The following BICDL1 variants were observed in gnomAD, a reference collection of about 807,000 sequenced individuals.
The protein encoded by BICDL1 is BICD family-like cargo adapter 1.
A neutral mutation model predicts 76.8 loss-of-function variants in BICDL1; 20 were observed. The ratio of observed to expected loss-of-function variants is 0.26; its 90% CI spans 0.18 to 0.38. BICDL1 has a LOEUF of 0.38. Ranked by LOEUF, BICDL1 falls within the 10% of genes least tolerant of loss-of-function variation. The pLI is 1.00. For synonymous variants in BICDL1, 383 were observed against 337.1 expected (o/e 1.14, Z -1.49); for missense variants, 700 against 798.6 (o/e 0.88, Z 1.49).
intron 2 of BICDL1, among the ~76,000 whole-genome samples, chr12:120,010,145 C>T (rs1217647435): frequency 6.6e-6 from 1 of 152,226 alleles, no homozygotes; most frequent in Non-Finnish European, 1.5e-5. Context: ...TGTGGAGACG[C>T]CAGCCTGCAG....
rs1242186917 is a variant in BICDL1, at chr12:119,990,024, A to C, written c.156A>C (p.Leu52=). Residue 52 remains leucine (L), a synonymous_variant, in exon 1 of 10, where the codon CTA becomes CTC. Coordinates refer to ENST00000548673, the MANE Select transcript of BICDL1 (RefSeq NM_001367886.1). The part of the protein sequence containing the change: ...ALIFPGGSGE[L]ELALEEELAL... ...TCTTCCCCGGGGGCTCCGGGGAGCTAGAACTGGCGTTAGAGGAGGAGCTGG... is the reference window on the plus strand; with the variant it reads ...TCTTCCCCGGGGGCTCCGGGGAGCTCGAACTGGCGTTAGAGGAGGAGCTGG... 1 of 1,510,288 alleles carries C rather than the reference A, an allele frequency of 6.6e-7. No individual in the cohort carries two copies. Among genetic ancestry groups the C allele is most frequent in the Non-Finnish European group, 8.8e-7 (1 of 1,138,168 alleles). The allele number at this position is 1,510,288 out of a possible 1,614,324, so 93.6% of individuals were successfully genotyped here.
intron 2 of BICDL1, among the ~76,000 whole-genome samples, chr12:120,034,301 G>C (rs2138777674): frequency 6.6e-6 from 1 of 152,266 alleles, no homozygotes; most frequent in East Asian, 1.9e-4. Context: ...TACAATCAAG[G>C]TTACTTGAAT....
chr12:120,084,415 C>A (rs1372977636), intron 8 of BICDL1, among the ~76,000 whole-genome samples: 5 of 152,218 alleles, frequency 3.3e-5, no homozygotes, highest in Non-Finnish European at 5.9e-5. Flanking sequence ...CCAGCAGTGA[C>A]TCATGAGCCT....
chr12:120,057,062 A>C, intron 2 of BICDL1: 1 of 520,564 alleles, frequency 1.9e-6, no homozygotes, highest in Admixed American at 1.9e-5. Context: ...AGAGAGCTTC[A>C]GGCTGTCCTC....
intron 1 of BICDL1, among the ~76,000 whole-genome samples, chr12:119,995,016 A>G (rs1239077508): frequency 6.6e-6 from 1 of 152,196 alleles, no homozygotes; most frequent in Non-Finnish European, 1.5e-5. Flanking sequence ...CCAGGATACC[A>G]TATTACATTT....
intron 2 of BICDL1, among the ~76,000 whole-genome samples, chr12:120,025,920 CT>C (rs1022748355): frequency 2.7e-4 from 41 of 152,118 alleles, no homozygotes; most frequent in African/African-American, 9.4e-4. Flanking sequence ...TCACTGCAAC[CT>C]CCACCTCCAG....
At chr12:119,990,379 C>G in intron 1 of BICDL1, 82 bp downstream of exon 1, 1 of 1,515,298 alleles carries the variant, frequency 6.6e-7, no homozygotes, top group Non-Finnish European at 8.8e-7. Context: ...GGGAACCACT[C>G]ACCCCCACTT....
At chr12:120,025,009 T>C (rs1952261162) in intron 2 of BICDL1, among the ~76,000 whole-genome samples, 1 of 151,240 alleles carries the variant, frequency 6.6e-6, no homozygotes, top group Non-Finnish European at 1.5e-5. Context: ...TGTAGCCAAG[T>C]CCTTCTTCTT....
At position 120,079,840 on chromosome 12, in the gene BICDL1, G is replaced by A. The variant is rs1003698863; in HGVS notation, c.1453-1047G>A. 1.3e-5 allele frequency among the ~76,000 whole-genome samples: 2 copies of A among 152,244 alleles called. No individual in the cohort carries two copies. Among genetic ancestry groups the A allele is most frequent in the African/African-American group, 4.8e-5 (2 of 41,458 alleles). Reference sequence around the variant, plus strand: ...GTCACTAATTCCTCCCTCGCCTGGGGCTTTGCTGTGCTCAGAGCTGCAGTC... The same window carrying A: ...GTCACTAATTCCTCCCTCGCCTGGGACTTTGCTGTGCTCAGAGCTGCAGTC... On this transcript the variant is annotated intron_variant, in intron 7 of 9. Coordinates refer to ENST00000548673, the MANE Select transcript of BICDL1 (RefSeq NM_001367886.1). This position sits in a 1 kb window ranked among gnomAD's most constrained non-coding sequence, Gnocchi z 4.3.
intron 2 of BICDL1, among the ~76,000 whole-genome samples, chr12:120,058,733 G>A (rs1033629538): frequency 6.6e-6 from 1 of 151,708 alleles, no homozygotes; most frequent in African/African-American, 2.4e-5. Flanking sequence ...TAGGACTACA[G>A]GCACCCGCCA....
At chr12:120,007,953 ATTTG>A (rs1951880276) in intron 2 of BICDL1, among the ~76,000 whole-genome samples, 1 of 152,084 alleles carries the variant, frequency 6.6e-6, no homozygotes, top group Non-Finnish European at 1.5e-5. Flanking sequence ...GGGCTGTATT[ATTTG>A]TTTTTTTCTT....
In BICDL1 at chr12:120,093,192, T is replaced by G; in HGVS notation, c.*31T>G. The G allele has an allele frequency of 6.4e-7, 1 of 1,560,340 alleles. No homozygotes were observed. Among genetic ancestry groups the G allele is most frequent in the Non-Finnish European group, 8.7e-7 (1 of 1,151,642 alleles). Reference sequence around the variant, plus strand: ...GAGGAGTCAGGCCACCAAAGATGGGTGGACTGGAGGCAGCTGGAAAGGCGG... The same window carrying G: ...GAGGAGTCAGGCCACCAAAGATGGGGGGACTGGAGGCAGCTGGAAAGGCGG... On this transcript the variant is annotated 3_prime_UTR_variant, in exon 10 of 10. Coordinates refer to ENST00000548673, the MANE Select transcript of BICDL1 (RefSeq NM_001367886.1).
At chr12:120,039,657 AAAAG>A (rs1952598044) in intron 2 of BICDL1, among the ~76,000 whole-genome samples, 2 of 151,276 alleles carry the variant, frequency 1.3e-5, no homozygotes, top group Non-Finnish European at 2.9e-5. Context: ...AAAAAAAAAA[AAAAG>A]AAAAGGCTTC....
chr12:120,015,220 T>C (rs1410495360), intron 2 of BICDL1, among the ~76,000 whole-genome samples: 1 of 152,106 alleles, frequency 6.6e-6, no homozygotes, highest in East Asian at 1.9e-4. Flanking sequence ...TAAGCTCTGC[T>C]CCTCCATTTT....
chr12:120,057,869 C>T (rs1460489029), intron 2 of BICDL1, among the ~76,000 whole-genome samples: 5 of 125,514 alleles, frequency 4.0e-5, no homozygotes, highest in East Asian at 2.4e-4. Flanking sequence ...CTTGCTGTGT[C>T]GCCCAGGCTG....
chr12:120,086,653 A>AT lies in BICDL1; in HGVS notation c.1584-3291dup, dbSNP rs1319788557. ...TGAGTTTCAGGAAAATTAAGTAGCA[A>AT]TTTTTTTATCTCCTTGCAGGTGAAG... On this transcript the variant is annotated intron_variant, in intron 8 of 9. Transcript: ENST00000548673. Among the ~76,000 whole-genome samples, 6 of 152,164 alleles carry AT rather than the reference A, an allele frequency of 3.9e-5. No individual in the cohort carries two copies. The South Asian group carries it at 6.2e-4, about 16-fold the overall frequency.
intron 8 of BICDL1, among the ~76,000 whole-genome samples, chr12:120,081,314 C>T (rs1470996680): frequency 6.9e-6 from 1 of 144,690 alleles, no homozygotes; most frequent in Non-Finnish European, 1.5e-5. Flanking sequence ...CTCTACATGT[C>T]TTGCCTTTTT....
intron 2 of BICDL1, among the ~76,000 whole-genome samples, chr12:120,021,703 G>A (rs1214917906): frequency 6.6e-6 from 1 of 150,968 alleles, no homozygotes; most frequent in African/African-American, 2.4e-5. Context: ...TCTCCAGTTG[G>A]AGATCAACCT....
Position 120,012,202 on chromosome 12 carries a change from A to T in BICDL1, c.645+13466A>T, listed in dbSNP as rs1029414190. On this transcript the variant is annotated intron_variant, in intron 2 of 9. Coordinates refer to ENST00000548673, the MANE Select transcript of BICDL1 (RefSeq NM_001367886.1). ...GAGAGGTTGAGATGATTGGTGCCAC[A>T]ACAAAATTTATTTTCCATTCCAGTC... is the stretch of plus-strand genomic sequence containing the variant. Among the ~76,000 whole-genome samples the T allele has an allele frequency of 4.6e-4, 70 of 152,300 alleles. 1 individual carries two copies. The highest frequency in any genetic ancestry group is 1.6e-3 in the African/African-American group (68 of 41,556).
Sources: gnomAD v4.1 joint callset for allele counts (sites outside exome capture counted in the v4.1 genomes callset) on GRCh38, gnomAD v4.1.1 for gene constraint, Gnocchi (gnomAD v3.1) non-coding constraint, MANE v1.5 for transcripts, NCBI Gene and HGNC (gene_info 2026-07-23, HGNC 2026-07-21) for gene names.